Variants in ITSN2 observed in about 807,000 individuals in gnomAD.
ITSN2 encodes the protein intersectin 2.
ITSN2 carries 156 observed loss-of-function variants against 243.7 expected under a neutral mutation model. The observed-to-expected ratio is 0.64, with a 90% CI of 0.56 to 0.73. ITSN2 has a LOEUF of 0.73. Among genes scored for constraint, ITSN2 ranks in the 30% least tolerant of loss-of-function variants. ITSN2 has a pLI of 0.00. For missense variants in ITSN2, 1,801 were observed against 1,996.1 expected (o/e 0.90, Z 1.86); for synonymous variants, 703 against 699.9 (o/e 1.00, Z -0.07).
chr2:24,281,538 T>C (rs981411128), intron 17 of ITSN2, among the ~76,000 whole-genome samples: 1 of 152,256 alleles, frequency 6.6e-6, no homozygotes, highest in African/African-American at 2.4e-5. Context: ...GTATGAACCA[T>C]GAACCTATTT....
At chr2:24,303,593 T>C (rs1342189130) in intron 9 of ITSN2, among the ~76,000 whole-genome samples, 1 of 152,252 alleles carries the variant, frequency 6.6e-6, no homozygotes, top group African/African-American at 2.4e-5. Context: ...TTTTGTAAAT[T>C]TGGTGTAGCT....
chr2:24,358,811 C>T (rs1328120291), intron 1 of ITSN2, among the ~76,000 whole-genome samples: 1 of 152,148 alleles, frequency 6.6e-6, no homozygotes, highest in South Asian at 2.1e-4. Flanking sequence ...CAGGAGAGAT[C>T]AAGATTTTAG....
At chr2:24,283,017 C>CA (rs765516566) in intron 17 of ITSN2, among the ~76,000 whole-genome samples, 1,057 of 101,032 alleles carry the variant, frequency 0.01, 8 homozygotes, top group African/African-American at 0.023. Flanking sequence ...TTTCTTAAAC[C>CA]AAAAAAAAAA....
intron 1 of ITSN2, among the ~76,000 whole-genome samples, chr2:24,331,233 G>A (rs536590432): frequency 3.3e-5 from 5 of 151,146 alleles, no homozygotes; most frequent in African/African-American, 1.2e-4. Context: ...CATCACGCCC[G>A]GCTAATTTTT....
At chr2:24,228,804 A>G (rs1018931621) in intron 29 of ITSN2, among the ~76,000 whole-genome samples, 1 of 152,222 alleles carries the variant, frequency 6.6e-6, no homozygotes, top group African/African-American at 2.4e-5. Context: ...AGATACAAAT[A>G]AAAGTATTAA....
At chr2:24,290,600 G>A (rs1441451971) in intron 15 of ITSN2, among the ~76,000 whole-genome samples, 1 of 152,050 alleles carries the variant, frequency 6.6e-6, no homozygotes, top group Non-Finnish European at 1.5e-5. Context: ...TTTTTAAGTT[G>A]TTTTTATGTT....
intron 1 of ITSN2, among the ~76,000 whole-genome samples, chr2:24,353,311 C>T (rs985371886): frequency 6.6e-6 from 1 of 151,966 alleles, no homozygotes; most frequent in Non-Finnish European, 1.5e-5. Context: ...ATTAAGAAAA[C>T]GAGGCTACCC....
chr2:24,309,515 T>G (rs1682987614), intron 7 of ITSN2, among the ~76,000 whole-genome samples: 1 of 152,210 alleles, frequency 6.6e-6, no homozygotes, highest in Non-Finnish European at 1.5e-5. Context: ...TGACTGCTTT[T>G]GCATTTTACA....
In ITSN2 at chr2:24,302,005, G is replaced by A; in HGVS notation, c.955C>T (p.Pro319Ser). Residue 319 changes from proline to serine, a missense_variant, in exon 10 of 40, where the codon CCA becomes TCA. Physicochemically the swap from Pro to Ser is moderately conservative, Grantham distance 74. This residue lies in a region of ITSN2 where 787 missense variants were observed against 803.9 expected (regional missense o/e 0.98). Coordinates refer to ENST00000355123, the MANE Select transcript of ITSN2 (RefSeq NM_006277.3). ...ACAAGCTCAGGAGGTAAAGTCAGTG[G>A]TAATGGCTGTCCAGCTTTGGCCATG... ...TDMAKAGQPL[P>S]LTLPPELVPP... The A allele has an allele frequency of 1.2e-6, 2 of 1,613,154 alleles. No individual in the cohort carries two copies. The highest frequency in any genetic ancestry group is 1.7e-6 in the Non-Finnish European group (2 of 1,179,518).
At chr2:24,259,037 C>A (rs969361466) in intron 22 of ITSN2, among the ~76,000 whole-genome samples, 65 of 152,186 alleles carry the variant, frequency 4.3e-4, no homozygotes, top group Non-Finnish European at 5.4e-4. Flanking sequence ...AATTTTATCT[C>A]CTGATCTCCA....
chr2:24,328,014 C>T, intron 2 of ITSN2, 38 bp downstream of exon 2: 2 of 1,586,196 alleles, frequency 1.3e-6, no homozygotes, highest in Admixed American at 1.8e-5. Context: ...AAAAAAAAAT[C>T]CATAACCTCA....
rs142649764 is a variant in ITSN2 at position 24,220,767 on chromosome 2, C to T, written c.3699+178G>A. 5.7e-3 allele frequency: 7,973 copies of T among 1,406,438 alleles called. 36 individuals are homozygous for T. Among genetic ancestry groups the T allele is most frequent in the Non-Finnish European group, 6.8e-3 (7,353 of 1,087,318 alleles). 87.1% of individuals were successfully genotyped at this position (1,406,438 alleles called of 1,614,324 possible). A position where few individuals can be genotyped will look rare whatever the true frequency, so the allele number is the denominator to read the frequency against. ...GAGACTTTCAATCTCAAGCATTATC[C>T]GGCAGGCAGAGACAGCATTTGGAGG... On this transcript the variant is annotated intron_variant, in intron 30 of 39. Transcript: ENST00000355123.
chr2:24,346,009 A>G (rs1687489653), intron 1 of ITSN2, among the ~76,000 whole-genome samples: 1 of 152,192 alleles, frequency 6.6e-6, no homozygotes, highest in East Asian at 1.9e-4. Flanking sequence ...GAAGAAATGG[A>G]TATGAGTCCA....
chr2:24,310,105 A>G (rs1683066938), intron 7 of ITSN2, among the ~76,000 whole-genome samples, 179 bp downstream of exon 7: 2 of 152,186 alleles, frequency 1.3e-5, no homozygotes, highest in African/African-American at 4.8e-5. Context: ...GACACTTAAT[A>G]ATTCTAAAAA....
chr2:24,298,361 T>A (rs1681263778), intron 13 of ITSN2, among the ~76,000 whole-genome samples: 1 of 152,146 alleles, frequency 6.6e-6, no homozygotes, highest in Admixed American at 6.5e-5. Flanking sequence ...TTTCACTATA[T>A]TGGCCAGGCT....
chr2:24,209,292 G>C (rs1017876574), intron 35 of ITSN2, 71 bp from the exon 36 acceptor site: 1 of 1,586,948 alleles, frequency 6.3e-7, no homozygotes. Context: ...TGTCCAGAGA[G>C]AGTTCTGTTT....
At chr2:24,228,302 C>T (rs1388834221) in intron 29 of ITSN2, among the ~76,000 whole-genome samples, 2 of 152,048 alleles carry the variant, frequency 1.3e-5, no homozygotes, top group African/African-American at 2.4e-5. Context: ...AAAGTCTGAG[C>T]GCATTTACCA....
intron 1 of ITSN2, among the ~76,000 whole-genome samples, chr2:24,340,773 T>A (rs1025748535): frequency 6.6e-6 from 1 of 152,170 alleles, no homozygotes; most frequent in South Asian, 2.1e-4. Flanking sequence ...CACACACATA[T>A]AGTATATGTT....
chr2:24,276,126 C>T (rs369022026), intron 17 of ITSN2, among the ~76,000 whole-genome samples: 15 of 152,044 alleles, frequency 9.9e-5, no homozygotes, highest in African/African-American at 2.7e-4. Context: ...TGATTTGGTA[C>T]ATCATTTTCA....
Sources: allele counts gnomAD v4.1 joint callset (sites outside exome capture counted in the v4.1 genomes callset), GRCh38; gene constraint gnomAD v4.1.1; regional missense constraint gnomAD v4.1.1; transcripts MANE v1.5; gene names NCBI Gene and HGNC (gene_info 2026-07-23, HGNC 2026-07-21).